Variants in NFATC1 observed in about 807,000 individuals in gnomAD.
NFATC1 encodes nuclear factor of activated T cells 1, also known as nuclear factor of activated T-cells, cytoplasmic 1.
NFATC1 carries 22 observed loss-of-function variants against 76.0 expected under a neutral mutation model. That is an observed-to-expected ratio of 0.29 (90% CI 0.21 to 0.41). The LOEUF (loss-of-function observed/expected upper bound fraction) is 0.41, where lower values mean the gene tolerates loss of function less well. NFATC1 is among the 10% of genes least tolerant of loss of function. The probability of loss-of-function intolerance (pLI) is 1.00; values close to 1 mark genes in which losing one functional copy is unlikely to be tolerated. For synonymous variants in NFATC1, 704 were observed against 613.1 expected, an observed-to-expected ratio of 1.15 and a Z score of -2.19; for missense variants, 1,357 against 1,337.7, an observed-to-expected ratio of 1.01 and a Z score of -0.23.
At chr18:79,415,567 C>A (rs2085850017) in intron 2 of NFATC1, among the ~76,000 whole-genome samples, 1 of 151,880 alleles carries the variant, frequency 6.6e-6, no homozygotes, top group Non-Finnish European at 1.5e-5. Flanking sequence ...CAGGCATGAG[C>A]CACCGCGCCC....
At chr18:79,488,582 G>A (rs532335438) in intron 9 of NFATC1, among the ~76,000 whole-genome samples, 1 of 152,298 alleles carries the variant, frequency 6.6e-6, no homozygotes, top group African/African-American at 2.4e-5. Flanking sequence ...CCTGCCTGCT[G>A]TCCTCCTTGT....
intron 8 of NFATC1, among the ~76,000 whole-genome samples, chr18:79,478,499 G>A (rs950162264): frequency 3.9e-5 from 6 of 152,200 alleles, no homozygotes; most frequent in Admixed American, 2.0e-4. Context: ...AACAGGAACC[G>A]TTCGAGGGGC....
rs528741301 is a variant in NFATC1 at position 79,481,045 on chromosome 18, C to T, written c.2093-5203C>T. ...GAGCGGGAGAGATGTGGGTGCCCAC[C>T]GGCGTCTCACTCCCACATCTGGGCC... On this transcript the variant is annotated intron_variant, in intron 8 of 9. Coordinates refer to ENST00000427363, the MANE Select transcript of NFATC1 (RefSeq NM_001278669.2). Among the ~76,000 whole-genome samples the T allele has an allele frequency of 4.6e-5, 7 of 152,372 alleles. No individual in the cohort carries two copies. The South Asian group carries it at 1.5e-3, about 32-fold the overall frequency.
rs776721713 is a variant in NFATC1 at position 79,410,878 on chromosome 18, G to C, written c.603G>C (p.Gln201His). ...ACTCGTACCCGTACGCGTCCCCCCAGACGTCGCCATGGCAGTCTCCCTGCG... is the reference window on the plus strand; with the variant it reads ...ACTCGTACCCGTACGCGTCCCCCCACACGTCGCCATGGCAGTCTCCCTGCG... ...SNYSYPYASP[Q>H]TSPWQSPCVS... The change falls in exon 2 of 10, where the codon CAG becomes CAC. Residue 201 changes from glutamine (Q) to histidine (H), a missense_variant. Transcript: ENST00000427363. The surrounding 1 kb of genome is among the most constrained non-coding windows in gnomAD (Gnocchi z 6.7). 2.5e-6 allele frequency: 4 copies of C among 1,609,162 alleles called. No individual in the cohort carries two copies. The highest frequency in any genetic ancestry group is 2.2e-5 in the South Asian group (2 of 90,720).
intron 2 of NFATC1, among the ~76,000 whole-genome samples, chr18:79,414,557 C>T (rs759913136): frequency 9.9e-5 from 15 of 152,192 alleles, no homozygotes; most frequent in Non-Finnish European, 1.9e-4. Context: ...CAATTGAAGC[C>T]ATGATAATGT....
At chr18:79,491,050 A>C (rs1348970331) in intron 9 of NFATC1, among the ~76,000 whole-genome samples, 1 of 151,826 alleles carries the variant, frequency 6.6e-6, no homozygotes, top group Non-Finnish European at 1.5e-5. Flanking sequence ...CCCAGACCCC[A>C]ACAAGCTCCA....
At chr18:79,497,353 G>A (rs1049269538) in intron 9 of NFATC1, 8 of 152,004 alleles carry the variant, frequency 5.3e-5, no homozygotes, top group African/African-American at 1.5e-4. Context: ...GGATGGCAGC[G>A]TCTTCACTTG....
At chr18:79,510,983 C>G (rs908212364) in intron 9 of NFATC1, among the ~76,000 whole-genome samples, 4 of 152,190 alleles carry the variant, frequency 2.6e-5, no homozygotes, top group African/African-American at 9.7e-5. Flanking sequence ...GTGGAAGTGT[C>G]GTGTTCCCAG....
chr18:79,458,016 G>A (rs1160798435), intron 6 of NFATC1, among the ~76,000 whole-genome samples: 1 of 152,236 alleles, frequency 6.6e-6, no homozygotes, highest in Non-Finnish European at 1.5e-5. Context: ...CTGTGGAGAT[G>A]ATCGTGGAAA....
intron 8 of NFATC1, among the ~76,000 whole-genome samples, chr18:79,471,557 C>G (rs1600842275): frequency 6.6e-6 from 1 of 152,318 alleles, no homozygotes; most frequent in East Asian, 1.9e-4. Flanking sequence ...GCTGGGGACA[C>G]GGAGCTCTTC....
chr18:79,503,130 C>A (rs929577122), intron 9 of NFATC1, among the ~76,000 whole-genome samples: 1 of 152,210 alleles, frequency 6.6e-6, no homozygotes, highest in African/African-American at 2.4e-5. Flanking sequence ...TGTTATCCAT[C>A]CCCAAAAGGA....
In NFATC1 at chr18:79,518,808, G is replaced by A. The variant is rs906657144; in HGVS notation, c.2783-8720G>A. Among the ~76,000 whole-genome samples the A allele has an allele frequency of 3.9e-5, 6 of 152,362 alleles. 1 individual carries two copies. The Middle Eastern group carries it at 0.017, about 432-fold the overall frequency. On this transcript the variant is annotated intron_variant, in intron 9 of 9. Coordinates refer to ENST00000427363, the MANE Select transcript of NFATC1 (RefSeq NM_001278669.2). ...GGGGTGTTAGGACCCCTGGCACCCG[G>A]TGTCCCTCAGTGGACGGCCGTTGAT... is the stretch of plus-strand genomic sequence containing the variant.
In NFATC1 at chr18:79,402,380, G is replaced by A. The variant is rs910340830; in HGVS notation, c.127+6029G>A. ...AGAAGCAGGTGGCCGCCTTCCAGGT[G>A]GGTTCAGGACACAGTCCTCCCCGGC... On this transcript the variant is annotated intron_variant, in intron 1 of 9. Coordinates refer to ENST00000427363, the MANE Select transcript of NFATC1 (RefSeq NM_001278669.2). 4.1e-6 allele frequency: 4 copies of A among 985,304 alleles called. No homozygotes were observed. In the African/African-American group the frequency reaches 7.0e-5, roughly 17 times the overall value. The allele number at this position is 985,304 out of a possible 1,614,324, so 61.0% of individuals were successfully genotyped here.
At chr18:79,426,582 A>ACCTGAAC (rs11281601) in intron 2 of NFATC1, among the ~76,000 whole-genome samples, 65,819 of 151,578 alleles carry the variant, frequency 0.43, 15,111 homozygotes, top group African/African-American at 0.6. Flanking sequence ...CCTGGTGTCC[A>ACCTGAAC]CCTCCATGGG....
At chr18:79,520,209 G>T (rs532514739) in intron 9 of NFATC1, among the ~76,000 whole-genome samples, 1 of 152,326 alleles carries the variant, frequency 6.6e-6, no homozygotes, top group South Asian at 2.1e-4. Flanking sequence ...GGGATCCCCC[G>T]CTGCGCTGCC....
chr18:79,487,975 A>G (rs2089561547), intron 9 of NFATC1, among the ~76,000 whole-genome samples: 1 of 152,160 alleles, frequency 6.6e-6, no homozygotes. Flanking sequence ...CCCGGGTTCC[A>G]GCAGACACAC....
rs76874999 is a variant in NFATC1 at position 79,475,980 on chromosome 18, C to G, written c.2092+8398C>G. Among the ~76,000 whole-genome samples, 566 of 152,278 alleles carry G rather than the reference C, an allele frequency of 3.7e-3. 3 individuals carry two copies. Among genetic ancestry groups the G allele is most frequent in the Non-Finnish European group, 5.6e-3 (378 of 68,022 alleles). ...AAGAGCCACAGGGCTCAGCATCCGA[C>G]GGGCGCACCTGGGGCTGGGCGAGTC... On this transcript the variant is annotated intron_variant, in intron 8 of 9. Coordinates refer to ENST00000427363, the MANE Select transcript of NFATC1 (RefSeq NM_001278669.2).
Position 79,424,465 on chromosome 18 carries a change from G to A in NFATC1, c.1227-9114G>A, listed in dbSNP as rs73494208. On this transcript the variant is annotated intron_variant, in intron 2 of 9. Coordinates refer to ENST00000427363, the MANE Select transcript of NFATC1 (RefSeq NM_001278669.2). The stretch of plus-strand genomic sequence containing the variant: ...CTCACGTCGGAGAAATGCGCTGATC[G>A]TCTCTCTCTCTCTTTGTCTCTCCAT... Among the ~76,000 whole-genome samples, 347 of 145,140 alleles carry A rather than the reference G, an allele frequency of 2.4e-3. 1 individual carries two copies. Among genetic ancestry groups the A allele is most frequent in the African/African-American group, 7.8e-3 (292 of 37,488 alleles).
At chr18:79,441,685 G>A (rs530627349) in intron 3 of NFATC1, among the ~76,000 whole-genome samples, 5 of 152,200 alleles carry the variant, frequency 3.3e-5, no homozygotes, top group East Asian at 3.9e-4. Context: ...GTCAGGCGAC[G>A]CGACTCTCAG....
Sources: allele counts gnomAD v4.1 joint callset (sites outside exome capture counted in the v4.1 genomes callset), GRCh38; gene constraint gnomAD v4.1.1; non-coding constraint Gnocchi (gnomAD v3.1); transcripts MANE v1.5; gene names NCBI Gene and HGNC (gene_info 2026-07-23, HGNC 2026-07-21).